The following STK17A variants were observed in gnomAD, a reference collection of about 807,000 sequenced individuals.
The protein encoded by STK17A is serine/threonine kinase 17a, also known as serine/threonine-protein kinase 17A.
In STK17A, 26 loss-of-function variants were observed where a neutral mutation model predicts 43.7. That is an observed-to-expected ratio of 0.60 (90% CI 0.44 to 0.83). The LOEUF (loss-of-function observed/expected upper bound fraction) is 0.83. Ranked by LOEUF, STK17A falls within the 40% of genes least tolerant of loss-of-function variation. The pLI, the probability that STK17A is intolerant of heterozygous loss-of-function variation, is 0.00. For missense variants in STK17A, 476 were observed against 511.6 expected (o/e 0.93, Z 0.67); for synonymous variants, 191 against 182.5 (o/e 1.05, Z -0.38).
At position 43,583,240 on chromosome 7, in the gene STK17A, C is replaced by G. The variant is rs1254776199; in HGVS notation, c.-4C>G. On this transcript the variant is annotated 5_prime_UTR_variant, in exon 1 of 7. Transcript: ENST00000319357. Reference sequence around the variant, plus strand: ...CGGCCAGGAAAGAAGCGGGCCTGAACACCATGATCCCTTTGGAGAAGCCAG... The same window carrying G: ...CGGCCAGGAAAGAAGCGGGCCTGAAGACCATGATCCCTTTGGAGAAGCCAG... The G allele has an allele frequency of 1.9e-6, 3 of 1,553,550 alleles. No homozygotes were observed. The African/African-American group carries it at 4.3e-5, about 22-fold the overall frequency.
intron 4 of STK17A, among the ~76,000 whole-genome samples, chr7:43,620,926 T>G (rs1163877779): frequency 6.6e-6 from 1 of 152,078 alleles, no homozygotes; most frequent in Non-Finnish European, 1.5e-5. Flanking sequence ...GAAGACTCTG[T>G]GCCTGAGGGT....
intron 1 of STK17A, among the ~76,000 whole-genome samples, chr7:43,590,095 A>G (rs1296330722): frequency 1.3e-5 from 2 of 150,138 alleles, no homozygotes; most frequent in Non-Finnish European, 3.0e-5. Flanking sequence ...ACAGGTGCAC[A>G]CAACCACGCC....
Position 43,613,149 on chromosome 7 carries a change from C to T in STK17A, c.564+4749C>T, listed in dbSNP as rs182742753. On this transcript the variant is annotated intron_variant, in intron 3 of 6. Coordinates refer to ENST00000319357, the MANE Select transcript of STK17A (RefSeq NM_004760.3). ...TCTTTTTTCTTCAAATGGTGTTGTA[C>T]TGGTTCAGTCTTTCAGCAGTGTTAG... Among the ~76,000 whole-genome samples the T allele has an allele frequency of 3.3e-3, 507 of 152,214 alleles. 4 individuals carry two copies. The highest frequency in any genetic ancestry group is 5.8e-3 in the Non-Finnish European group (395 of 68,000).
intron 3 of STK17A, among the ~76,000 whole-genome samples, chr7:43,611,185 C>T (rs1175464874): frequency 6.6e-6 from 1 of 152,128 alleles, no homozygotes; most frequent in Non-Finnish European, 1.5e-5. Context: ...TTGATAATGT[C>T]CCATTTGAAT....
At chr7:43,592,159 T>C (rs1232044460) in intron 1 of STK17A, among the ~76,000 whole-genome samples, 1 of 151,630 alleles carries the variant, frequency 6.6e-6, no homozygotes, top group Non-Finnish European at 1.5e-5. Flanking sequence ...TTAATAACAA[T>C]TGTTTTCTGT....
chr7:43,617,246 T>C (rs1399284842), intron 3 of STK17A, among the ~76,000 whole-genome samples: 1 of 152,062 alleles, frequency 6.6e-6, no homozygotes, highest in Non-Finnish European at 1.5e-5. Flanking sequence ...CTAAGAGCAA[T>C]GGGAGGCTGT....
At chr7:43,590,117 T>G (rs1047407954) in intron 1 of STK17A, among the ~76,000 whole-genome samples, 1 of 150,422 alleles carries the variant, frequency 6.6e-6, no homozygotes, top group African/African-American at 2.4e-5. Flanking sequence ...GTCTAATTTT[T>G]GTATTTTTTG....
At chr7:43,622,037 CA>C (rs1395809054) in intron 4 of STK17A, among the ~76,000 whole-genome samples, 2 of 152,178 alleles carry the variant, frequency 1.3e-5, no homozygotes, top group Non-Finnish European at 2.9e-5. Flanking sequence ...GTACCGACCT[CA>C]TAGGGAATTT....
At chr7:43,614,163 A>G (rs575036515) in intron 3 of STK17A, among the ~76,000 whole-genome samples, 4 of 152,274 alleles carry the variant, frequency 2.6e-5, no homozygotes, top group African/African-American at 9.6e-5. Flanking sequence ...TAGCCGCCAA[A>G]TCTTCTCCAG....
chr7:43,624,744 C>A lies in STK17A; in HGVS notation c.1147C>A (p.Gln383Lys). The change falls in exon 7 of 7, where the codon CAG becomes AAG. Residue 383 changes from glutamine (Q) to lysine (K), a missense_variant. By Grantham distance (53) the Gln-to-Lys change is moderately conservative. This residue lies in a region of STK17A where 110 missense variants were observed against 103.7 expected (regional missense o/e 1.06). Transcript: ENST00000319357. ...VTSYTLGQCRQSEKEKMEQKA... is the reference protein window; with the variant it reads ...VTSYTLGQCRKSEKEKMEQKA... ...TTCATATACTCTAGGACAATGCAGA[C>A]AGTCTGAAAAAGAGAAAATGGAGCA... 1 of 1,613,884 alleles carries A rather than the reference C, an allele frequency of 6.2e-7. No individual in the cohort carries two copies. Among genetic ancestry groups the A allele is most frequent in the Non-Finnish European group, 8.5e-7 (1 of 1,179,858 alleles).
At chr7:43,607,446 G>A (rs2082611071) in intron 2 of STK17A, among the ~76,000 whole-genome samples, 3 of 151,826 alleles carry the variant, frequency 2.0e-5, no homozygotes, top group Admixed American at 6.6e-5. Flanking sequence ...CAAGGAGATC[G>A]AGATCATCCT....
chr7:43,605,805 A>G (rs1583555443), intron 2 of STK17A, among the ~76,000 whole-genome samples: 1 of 151,974 alleles, frequency 6.6e-6, no homozygotes, highest in East Asian at 1.9e-4. Context: ...ATATGCTTTA[A>G]TTTTCTAGTT....
chr7:43,604,562 CTG>C, intron 2 of STK17A, among the ~76,000 whole-genome samples: 1 of 152,212 alleles, frequency 6.6e-6, no homozygotes, highest in East Asian at 1.9e-4. Flanking sequence ...GACAAGAAGT[CTG>C]TGATCATTCT....
chr7:43,597,961 G>T (rs2082530105), intron 2 of STK17A, among the ~76,000 whole-genome samples: 1 of 151,792 alleles, frequency 6.6e-6, no homozygotes, highest in Non-Finnish European at 1.5e-5. Context: ...TTTAAAAGGG[G>T]ATTTATTTAG....
intron 1 of STK17A, among the ~76,000 whole-genome samples, chr7:43,587,197 C>T (rs936921201): frequency 1.4e-5 from 2 of 145,192 alleles, no homozygotes; most frequent in African/African-American, 5.0e-5. Context: ...CTCTGTCGCC[C>T]AGGCTAGAGT....
intron 6 of STK17A, 141 bp downstream of exon 6, chr7:43,624,029 A>C (rs1199445816): frequency 1.7e-6 from 1 of 575,524 alleles, no homozygotes; most frequent in Admixed American, 4.1e-5. Context: ...AAACACAAAA[A>C]TGTTGACATA....
intron 1 of STK17A, among the ~76,000 whole-genome samples, chr7:43,586,768 A>AT (rs2082443169): frequency 6.6e-6 from 1 of 151,770 alleles, no homozygotes; most frequent in South Asian, 2.1e-4. Context: ...TTTCTTAAGA[A>AT]AAAAATATTT....
At chr7:43,614,559 T>C (rs1368403745) in intron 3 of STK17A, among the ~76,000 whole-genome samples, 1 of 152,206 alleles carries the variant, frequency 6.6e-6, no homozygotes, top group East Asian at 1.9e-4. Context: ...GTATATATAT[T>C]TTATTTAGAG....
At chr7:43,618,922 G>A (rs2083595332) in intron 3 of STK17A, among the ~76,000 whole-genome samples, 1 of 152,104 alleles carries the variant, frequency 6.6e-6, no homozygotes, top group African/African-American at 2.4e-5. Flanking sequence ...CAGAGTGGTG[G>A]GAGAAGAGGG....
Sources: allele counts gnomAD v4.1 joint callset (sites outside exome capture counted in the v4.1 genomes callset), GRCh38; gene constraint gnomAD v4.1.1; regional missense constraint gnomAD v4.1.1; transcripts MANE v1.5; gene names NCBI Gene and HGNC (gene_info 2026-07-23, HGNC 2026-07-21).